The following KCNMB4 variants were observed in gnomAD, a reference collection of about 807,000 sequenced individuals.
KCNMB4 encodes calcium-activated potassium channel subunit beta-4.
In KCNMB4, 3 loss-of-function variants were observed where a neutral mutation model predicts 20.7. That is an observed-to-expected ratio of 0.14 (90% CI 0.07 to 0.37). The LOEUF is 0.37. KCNMB4 is among the 10% of genes least tolerant of loss of function. The probability of loss-of-function intolerance (pLI) is 1.00; values close to 1 mark genes in which losing one functional copy is unlikely to be tolerated. For synonymous variants in KCNMB4, 110 were observed against 113.4 expected (o/e 0.97, Z 0.19); for missense variants, 168 against 265.9 (o/e 0.63, Z 2.56).
chr12:70,427,439 AC>A (rs1457885631), intron 2 of KCNMB4, among the ~76,000 whole-genome samples: 1 of 152,226 alleles, frequency 6.6e-6, no homozygotes, highest in Non-Finnish European at 1.5e-5. Context: ...ATTATGGAGC[AC>A]CTTAGAGCTG....
intron 2 of KCNMB4, among the ~76,000 whole-genome samples, chr12:70,403,910 T>C (rs973354816): frequency 6.6e-6 from 1 of 152,238 alleles, no homozygotes; most frequent in Admixed American, 6.5e-5. Context: ...AATAAATATT[T>C]GGTGAGTGAA....
At chr12:70,377,515 C>T (rs1392050664) in intron 1 of KCNMB4, among the ~76,000 whole-genome samples, 3 of 152,084 alleles carry the variant, frequency 2.0e-5, no homozygotes, top group South Asian at 2.1e-4. Context: ...AGGATCATGC[C>T]TCGATGTTGA....
chr12:70,398,558 A>G (rs912007656), intron 1 of KCNMB4, among the ~76,000 whole-genome samples: 1 of 152,226 alleles, frequency 6.6e-6, no homozygotes, highest in African/African-American at 2.4e-5. Context: ...TCATTAAAAT[A>G]ACATTTGCAT....
At chr12:70,383,909 A>G (rs1430754709) in intron 1 of KCNMB4, among the ~76,000 whole-genome samples, 4 of 152,180 alleles carry the variant, frequency 2.6e-5, no homozygotes, top group African/African-American at 7.2e-5. Flanking sequence ...TCTCTCCTAA[A>G]AACATAAAAA....
intron 1 of KCNMB4, among the ~76,000 whole-genome samples, chr12:70,389,187 A>T (rs866910557): frequency 6.6e-6 from 1 of 152,154 alleles, no homozygotes; most frequent in Non-Finnish European, 1.5e-5. Context: ...TACTTTAACT[A>T]TGTAAAGTAC....
intron 1 of KCNMB4, among the ~76,000 whole-genome samples, chr12:70,386,590 G>C (rs894030211): frequency 3.1e-5 from 4 of 128,370 alleles, no homozygotes; most frequent in South Asian, 2.3e-4. Flanking sequence ...TTGTTTGTTT[G>C]TTTGTTGTTT....
chr12:70,369,325 A>G (rs1023591605), intron 1 of KCNMB4, among the ~76,000 whole-genome samples: 2 of 152,252 alleles, frequency 1.3e-5, no homozygotes, highest in Admixed American at 6.5e-5. Context: ...GAAAAATTCA[A>G]TGTAATAAAA....
intron 1 of KCNMB4, among the ~76,000 whole-genome samples, chr12:70,396,521 G>A (rs1270805150): frequency 6.6e-6 from 1 of 152,116 alleles, no homozygotes; most frequent in East Asian, 1.9e-4. Context: ...GTCCAGGCTG[G>A]TCTCAAACTC....
intron 2 of KCNMB4, among the ~76,000 whole-genome samples, chr12:70,411,259 A>G (rs1189586455): frequency 2.0e-5 from 3 of 152,264 alleles, no homozygotes; most frequent in East Asian, 3.9e-4. Context: ...AAAGAAATAA[A>G]TGGTTAACAG....
chr12:70,428,060 C>A (rs1266476311), intron 2 of KCNMB4, among the ~76,000 whole-genome samples: 2 of 151,916 alleles, frequency 1.3e-5, no homozygotes, highest in African/African-American at 4.8e-5. Context: ...ACTCTGTCAC[C>A]CAAGCTGGAG....
At chr12:70,383,461 T>C (rs748612384) in intron 1 of KCNMB4, among the ~76,000 whole-genome samples, 1 of 152,114 alleles carries the variant, frequency 6.6e-6, no homozygotes, top group Non-Finnish European at 1.5e-5. Flanking sequence ...GAAATACATA[T>C]CAAAATCCTG....
At chr12:70,422,708 T>A in intron 2 of KCNMB4, 1 of 1,289,122 alleles carries the variant, frequency 7.8e-7, no homozygotes, top group Non-Finnish European at 1.0e-6. Flanking sequence ...GGTTTGCAGG[T>A]CTTGATGATT....
chr12:70,372,567 G>C (rs1374411970), intron 1 of KCNMB4, among the ~76,000 whole-genome samples: 8 of 152,046 alleles, frequency 5.3e-5, no homozygotes, highest in Non-Finnish European at 1.0e-4. Flanking sequence ...TGGCTCCAAA[G>C]TTTGTGTCAA....
chr12:70,399,194 A>G (rs889623790), intron 1 of KCNMB4, among the ~76,000 whole-genome samples: 1 of 152,238 alleles, frequency 6.6e-6, no homozygotes, highest in Admixed American at 6.5e-5. Flanking sequence ...AAGGTGTTGA[A>G]TAATTGTATG....
intron 1 of KCNMB4, among the ~76,000 whole-genome samples, chr12:70,377,506 G>C (rs1312690812): frequency 6.6e-6 from 1 of 152,186 alleles, no homozygotes; most frequent in Non-Finnish European, 1.5e-5. Context: ...TGCGGGTGGA[G>C]GATCATGCCT....
chr12:70,387,042 A>G (rs985566020), intron 1 of KCNMB4, among the ~76,000 whole-genome samples: 1 of 151,936 alleles, frequency 6.6e-6, no homozygotes, highest in Non-Finnish European at 1.5e-5. Flanking sequence ...GAGACATTTC[A>G]TTTTGTAACC....
intron 2 of KCNMB4, among the ~76,000 whole-genome samples, chr12:70,408,883 C>G (rs940103620): frequency 9.2e-5 from 14 of 152,108 alleles, no homozygotes; most frequent in African/African-American, 2.9e-4. Flanking sequence ...AACTTATACC[C>G]CCTTAACGAG....
intron 2 of KCNMB4, among the ~76,000 whole-genome samples, chr12:70,403,450 A>G (rs1393757446): frequency 6.6e-6 from 1 of 152,124 alleles, no homozygotes; most frequent in Non-Finnish European, 1.5e-5. Context: ...CTCCTGCCTC[A>G]GCCTCCCAAG....
At chr12:70,385,327 AT>A (rs1482059328) in intron 1 of KCNMB4, among the ~76,000 whole-genome samples, 1 of 152,118 alleles carries the variant, frequency 6.6e-6, no homozygotes, top group Non-Finnish European at 1.5e-5. Context: ...GGTGGGGTGC[AT>A]TTACTCTTGG....
Sources: gnomAD v4.1 joint callset for allele counts (sites outside exome capture counted in the v4.1 genomes callset) on GRCh38, gnomAD v4.1.1 for gene constraint, MANE v1.5 for transcripts, NCBI Gene and HGNC (gene_info 2026-07-23, HGNC 2026-07-21) for gene names.